SMIM7: variants seen among roughly 807,000 people sequenced by gnomAD.
SMIM7 encodes small integral membrane protein 7.
In SMIM7, 12 loss-of-function variants were observed where a neutral mutation model predicts 13.3. The ratio of observed to expected loss-of-function variants is 0.90; its 90% CI spans 0.58 to 1.46. The LOEUF is 1.46. Ranked by LOEUF, SMIM7 falls within the 40% of genes most tolerant of loss-of-function variation. The probability of loss-of-function intolerance (pLI) is 0.00; values close to 1 mark genes in which losing one functional copy is unlikely to be tolerated. For synonymous variants in SMIM7, 36 were observed against 35.8 expected, an observed-to-expected ratio of 1.01 and a Z score of -0.02; for missense variants, 114 against 94.8, an observed-to-expected ratio of 1.20 and a Z score of -0.84.
intron 4 of SMIM7, chr19:16,653,019 T>C (rs1198643618): frequency 1.2e-5 from 19 of 1,537,128 alleles, no homozygotes; most frequent in Middle Eastern, 1.7e-4. Flanking sequence ...ACATTTCTAC[T>C]GGCTTCCAGC....
chr19:16,654,710 A>C (rs542549820), intron 3 of SMIM7, among the ~76,000 whole-genome samples: 22 of 152,264 alleles, frequency 1.4e-4, no homozygotes, highest in African/African-American at 3.4e-4. Flanking sequence ...AAAAGAAAGA[A>C]GACTATTTTG....
chr19:16,651,499 C>A (rs947920298), intron 4 of SMIM7, among the ~76,000 whole-genome samples: 1 of 152,050 alleles, frequency 6.6e-6, no homozygotes, highest in Non-Finnish European at 1.5e-5. Flanking sequence ...AAAATCAGGA[C>A]CCTGGGCTAC....
chr19:16,633,465 G>GAAA (rs869067591), intron 4 of SMIM7, among the ~76,000 whole-genome samples: 10 of 87,694 alleles, frequency 1.1e-4, no homozygotes, highest in Middle Eastern at 7.2e-3. Flanking sequence ...CAAAAAAAAA[G>GAAA]AAAAAAAAAA....
At chr19:16,655,139 T>C (rs1334995835) in intron 3 of SMIM7, 1 of 340,016 alleles carries the variant, frequency 2.9e-6, no homozygotes, top group African/African-American at 2.1e-5. Context: ...GATGTTTCAA[T>C]TTGCTTTAAC....
In SMIM7 at chr19:16,654,102, G is replaced by T; in HGVS notation, c.145C>A (p.Leu49Met). The change falls in exon 4 of 5, where the codon CTG becomes ATG. Residue 49 changes from leucine to methionine, a missense_variant. Physicochemically the swap from Leu to Met is conservative, Grantham distance 15. Coordinates refer to ENST00000487416, the MANE Select transcript of SMIM7 (RefSeq NM_024104.4). ...AAGATTCGAAAGTATCTGAGGCTCA[G>T]CAAGAATTCCCGGATGTTGTCACCT... ...STGDNIREFL[L>M]SLRYFRIFIA... 1 of 1,614,074 alleles carries T rather than the reference G, an allele frequency of 6.2e-7. No homozygotes were observed. Among genetic ancestry groups the T allele is most frequent in the Non-Finnish European group, 8.5e-7 (1 of 1,180,000 alleles).
At chr19:16,641,045 T>C (rs1402803319), downstream of SMIM7, 3 of 152,176 alleles carry the variant, frequency 2.0e-5, no homozygotes, top group African/African-American at 7.2e-5. Flanking sequence ...TTTGTTAAAA[T>C]GCAGGCCACA....
At chr19:16,654,220 G>A (rs185598436) in intron 3 of SMIM7, 95 bp from the exon 4 acceptor site, 58 of 973,974 alleles carry the variant, frequency 6.0e-5, no homozygotes, top group Non-Finnish European at 7.9e-5. Flanking sequence ...CCCACCCGGC[G>A]CTTGCTGCCT....
At chr19:16,639,860 T>C (rs1246827882) in intron 4 of SMIM7, 2 of 152,252 alleles carry the variant, frequency 1.3e-5, no homozygotes, top group Non-Finnish European at 2.9e-5. Context: ...GACTGTAAGT[T>C]TCCTGGGGTC....
downstream of SMIM7, among the ~76,000 whole-genome samples, chr19:16,641,667 C>T (rs1207827849): frequency 9.9e-5 from 15 of 152,142 alleles, no homozygotes; most frequent in Admixed American, 3.3e-4. Flanking sequence ...GGAAAAATCT[C>T]GGCTCACTGC....
intron 4 of SMIM7, chr19:16,636,428 GGT>G (rs2086361865): frequency 6.6e-6 from 1 of 152,026 alleles, no homozygotes; most frequent in South Asian, 2.1e-4. Flanking sequence ...GGAGTACAGT[GGT>G]ATGACCTCGA....
chr19:16,631,840 A>G (rs1397729143), intron 4 of SMIM7: 1 of 149,458 alleles, frequency 6.7e-6, no homozygotes, highest in East Asian at 2.0e-4. Flanking sequence ...CCCTCCTTTG[A>G]CCCCTATGTT....
At chr19:16,659,670 C>T (rs1438535199) in intron 2 of SMIM7, 1 of 654,240 alleles carries the variant, frequency 1.5e-6, no homozygotes, top group Non-Finnish European at 2.6e-6. Context: ...CCCGACAGTG[C>T]GGGTGCAGGG....
chr19:16,659,826 C>A (rs142894276), intron 2 of SMIM7, 133 bp downstream of exon 2: 3 of 1,185,800 alleles, frequency 2.5e-6, no homozygotes, highest in Non-Finnish European at 2.4e-6. Flanking sequence ...AGGCTGGAGG[C>A]GTGCCCAGAG....
intron 4 of SMIM7, chr19:16,640,047 T>C (rs1208690288): frequency 1.3e-5 from 2 of 152,030 alleles, no homozygotes; most frequent in African/African-American, 4.8e-5. Flanking sequence ...CTTTCCGGGT[T>C]CAAGCGATTC....
At chr19:16,633,835 A>G (rs2086339299) in intron 4 of SMIM7, 1 of 152,248 alleles carries the variant, frequency 6.6e-6, no homozygotes, top group South Asian at 2.1e-4. Context: ...TAAAATATAC[A>G]TACTTATGCA....
chr19:16,654,054 T>A lies in SMIM7; in HGVS notation c.193A>T (p.Met65Leu). 6.2e-7 allele frequency: 1 copy of A among 1,613,946 alleles called. No individual in the cohort carries two copies. The highest frequency in any genetic ancestry group is 8.5e-7 in the Non-Finnish European group (1 of 1,179,972). ...RIFIALWNIF[M>L]MFCMIVLFGS Reference sequence around the variant, plus strand: ...ACTCACACAATCATGCAGAACATCATGAAGATGTTCCACAGGGCGATGAAG... The same window carrying A: ...ACTCACACAATCATGCAGAACATCAAGAAGATGTTCCACAGGGCGATGAAG... The change falls in exon 4 of 5, where the codon ATG (methionine) becomes TTG (leucine). Residue 65 changes from methionine to leucine, a missense_variant. Coordinates refer to ENST00000487416, the MANE Select transcript of SMIM7 (RefSeq NM_024104.4).
Position 16,647,234 on chromosome 19 carries a change from C to A in SMIM7, c.*12G>T, listed in dbSNP as rs754775142. The A allele has an allele frequency of 6.2e-6, 10 of 1,613,928 alleles. No homozygotes were observed. The highest frequency in any genetic ancestry group is 1.3e-5 in the African/African-American group (1 of 74,896). Reference sequence around the variant, plus strand: ...TCCCGGGAAAGTGAGTTCCTGGTTTCATCGCTGGGATTCAAGAGCCGAACA... The same window carrying A: ...TCCCGGGAAAGTGAGTTCCTGGTTTAATCGCTGGGATTCAAGAGCCGAACA... On this transcript the variant is annotated 3_prime_UTR_variant, in exon 5 of 5. Coordinates refer to ENST00000487416, the MANE Select transcript of SMIM7 (RefSeq NM_024104.4).
intron 4 of SMIM7, among the ~76,000 whole-genome samples, chr19:16,639,177 A>G (rs1256609785): frequency 6.9e-6 from 1 of 145,352 alleles, no homozygotes; most frequent in Non-Finnish European, 1.5e-5. Flanking sequence ...GCTGGAGTGC[A>G]GTGGCGTGAT....
intron 4 of SMIM7, among the ~76,000 whole-genome samples, chr19:16,639,402 G>A (rs969590263): frequency 1.3e-5 from 2 of 152,170 alleles, no homozygotes; most frequent in South Asian, 2.1e-4. Context: ...GATTACAGGC[G>A]TGAGCCACTG....
Sources: gnomAD v4.1 joint callset for allele counts (sites outside exome capture counted in the v4.1 genomes callset) on GRCh38, gnomAD v4.1.1 for gene constraint, MANE v1.5 for transcripts, NCBI Gene and HGNC (gene_info 2026-07-23, HGNC 2026-07-21) for gene names.